TENM1: variants seen among roughly 807,000 people sequenced by gnomAD.
TENM1 encodes teneurin transmembrane protein 1, also known as teneurin-1.
TENM1 carries 35 observed loss-of-function variants against 174.8 expected under a neutral mutation model. The ratio of observed to expected loss-of-function variants is 0.20; its 90% CI spans 0.15 to 0.27. The LOEUF is 0.27. Ranked by LOEUF, TENM1 falls within the 10% of genes least tolerant of loss-of-function variation. The pLI is 1.00. For synonymous variants in TENM1, 781 were observed against 798.7 expected (o/e 0.98, Z 0.37); for missense variants, 1,633 against 2,130.1 (o/e 0.77, Z 4.59).
chrX:124,909,575 C>T (rs946763887), intron 1 of TENM1, among the ~76,000 whole-genome samples: 2 of 112,007 alleles, frequency 1.8e-5, no homozygotes, highest in African/African-American at 6.5e-5. Flanking sequence ...CATTTTTGTA[C>T]CTCCTTTTGA....
intron 3 of TENM1, among the ~76,000 whole-genome samples, chrX:124,850,008 A>G (rs1002934147): frequency 8.9e-6 from 1 of 111,814 alleles, no homozygotes; most frequent in Admixed American, 9.5e-5. Flanking sequence ...ACTCCTGTGA[A>G]GTGGCCATAG....
At chrX:125,170,635 CA>C in the TENM1 span, among the ~76,000 whole-genome samples, 1 of 110,903 alleles carries the variant, frequency 9.0e-6, no homozygotes, top group Non-Finnish European at 1.9e-5. Context: ...AATAATTGCG[CA>C]AGTTCCTCTT....
At chrX:125,013,259 G>C in the TENM1 span, among the ~76,000 whole-genome samples, 4 of 111,769 alleles carry the variant, frequency 3.6e-5, no homozygotes, top group African/African-American at 1.3e-4. Flanking sequence ...GGCAAATTGG[G>C]ATGGGCAATC....
At chrX:125,016,455 C>T in the TENM1 span, among the ~76,000 whole-genome samples, 1 of 111,199 alleles carries the variant, frequency 9.0e-6, no homozygotes, top group Non-Finnish European at 1.9e-5. Context: ...AGTGAACTCC[C>T]ATTTGCAATT....
chrX:125,159,172 T>C, the TENM1 span, among the ~76,000 whole-genome samples: 2 of 111,863 alleles, frequency 1.8e-5, no homozygotes, highest in Non-Finnish European at 3.8e-5. Flanking sequence ...GGTGTATGAT[T>C]GCTAATCACA....
exon 5 of TENM1, chrX:124,705,149 C>T: frequency 8.3e-7 from 1 of 1,210,956 alleles, no homozygotes; most frequent in Non-Finnish European, 1.1e-6. Context: ...GAGGAAGAGG[C>T]CTGGGAGGGG....
At chrX:124,683,751 GC>G (rs1282023513) in intron 5 of TENM1, among the ~76,000 whole-genome samples, 1 of 111,637 alleles carries the variant, frequency 9.0e-6, no homozygotes, top group African/African-American at 3.3e-5. Flanking sequence ...GTTGTCCTAA[GC>G]TTTGCTCACT....
chrX:124,614,326 T>C (rs2050345922), intron 11 of TENM1, among the ~76,000 whole-genome samples: 1 of 112,164 alleles, frequency 8.9e-6, no homozygotes, highest in African/African-American at 3.2e-5. Flanking sequence ...TCCCCCTATA[T>C]GAAATCTCAA....
intron 11 of TENM1, among the ~76,000 whole-genome samples, chrX:124,584,922 A>G (rs1385912058): frequency 1.8e-5 from 2 of 109,907 alleles, no homozygotes; most frequent in African/African-American, 3.3e-5. Flanking sequence ...ACCAACAAAG[A>G]TCAAAAGAGA....
intron 11 of TENM1, among the ~76,000 whole-genome samples, chrX:124,583,479 T>C (rs1199048908): frequency 9.0e-6 from 1 of 111,652 alleles, no homozygotes; most frequent in Non-Finnish European, 1.9e-5. Context: ...GAGGGTCCTG[T>C]CTGTTAGAAG....
the TENM1 span, among the ~76,000 whole-genome samples, chrX:125,032,971 A>C: frequency 2.7e-5 from 3 of 112,040 alleles, no homozygotes; most frequent in African/African-American, 9.7e-5. Context: ...TGATGCTGTA[A>C]AACAGTGACT....
At chrX:125,144,511 C>T in the TENM1 span, among the ~76,000 whole-genome samples, 1 of 111,459 alleles carries the variant, frequency 9.0e-6, no homozygotes. Context: ...TCAGCTACAA[C>T]TCTCCTTCCC....
At chrX:124,604,901 G>A (rs192306624) in intron 11 of TENM1, among the ~76,000 whole-genome samples, 2 of 109,151 alleles carry the variant, frequency 1.8e-5, no homozygotes, top group East Asian at 2.9e-4. Flanking sequence ...AATAGACGAC[G>A]TTTATGAAAG....
chrX:124,719,335 C>G (rs1042401123), intron 4 of TENM1, among the ~76,000 whole-genome samples: 4 of 110,416 alleles, frequency 3.6e-5, no homozygotes, highest in African/African-American at 1.0e-4. Context: ...AACATTTACC[C>G]TTACTGACCA....
intron 3 of TENM1, among the ~76,000 whole-genome samples, chrX:124,796,129 A>G (rs1291230323): frequency 9.0e-6 from 1 of 111,634 alleles, no homozygotes; most frequent in Non-Finnish European, 1.9e-5. Context: ...ACAAGAAATA[A>G]TATTAAGAAA....
intron 3 of TENM1, among the ~76,000 whole-genome samples, chrX:124,807,702 A>G (rs897723038): frequency 9.1e-6 from 1 of 109,354 alleles, no homozygotes; most frequent in African/African-American, 3.4e-5. Flanking sequence ...GGAGTGCAGT[A>G]AAAGTGTAGA....
At chrX:125,067,100 A>T in the TENM1 span, among the ~76,000 whole-genome samples, 1 of 111,104 alleles carries the variant, frequency 9.0e-6, no homozygotes, top group Non-Finnish European at 1.9e-5. Flanking sequence ...TTGCAAATGT[A>T]ATTTTTTCTG....
intron 1 of TENM1, among the ~76,000 whole-genome samples, chrX:124,942,004 C>T (rs957196804): frequency 5.4e-5 from 6 of 111,340 alleles, no homozygotes; most frequent in South Asian, 3.8e-4. Flanking sequence ...GAGAATAGTA[C>T]GGGAGAAACT....
intron 1 of TENM1, among the ~76,000 whole-genome samples, chrX:124,903,431 C>A (rs2057695118): frequency 9.0e-6 from 1 of 110,705 alleles, no homozygotes. Context: ...TATCAGGACT[C>A]AAAAGGAAAG....
Sources: gnomAD v4.1 joint callset for allele counts (sites outside exome capture counted in the v4.1 genomes callset) on GRCh38, gnomAD v4.1.1 for gene constraint, MANE v1.5 for transcripts, NCBI Gene and HGNC (gene_info 2026-07-23, HGNC 2026-07-21) for gene names.